RIT2: variants seen among roughly 807,000 people sequenced by gnomAD.
RIT2 encodes Ras like without CAAX 2.
Under a neutral mutation model 23.7 loss-of-function variants are expected in RIT2, and 24 were observed. That is an observed-to-expected ratio of 1.01 (90% CI 0.73 to 1.43). The LOEUF (loss-of-function observed/expected upper bound fraction) is 1.43. RIT2 is among the 40% of genes most tolerant of loss of function. The pLI is 0.00. For missense variants in RIT2, 236 were observed against 266.9 expected (o/e 0.88, Z 0.81); for synonymous variants, 107 against 91.1 (o/e 1.17, Z -0.99).
chr18:42,859,581 T>G (rs1907273634), intron 4 of RIT2, among the ~76,000 whole-genome samples: 1 of 152,172 alleles, frequency 6.6e-6, no homozygotes, highest in African/African-American at 2.4e-5. Flanking sequence ...TAAATCCTAG[T>G]TTTTTTCTTT....
intron 4 of RIT2, among the ~76,000 whole-genome samples, chr18:42,748,237 G>T (rs540021684): frequency 6.6e-6 from 1 of 151,406 alleles, no homozygotes; most frequent in Non-Finnish European, 1.5e-5. Flanking sequence ...AAAGAAATCC[G>T]CAAGAAAAAA....
chr18:42,917,964 C>G (rs1469733053), intron 4 of RIT2, among the ~76,000 whole-genome samples: 1 of 152,114 alleles, frequency 6.6e-6, no homozygotes, highest in Non-Finnish European at 1.5e-5. Flanking sequence ...TCTCCTTTGC[C>G]CTTTTCACTG....
chr18:43,014,378 A>C (rs1911421844), intron 2 of RIT2, among the ~76,000 whole-genome samples: 1 of 151,788 alleles, frequency 6.6e-6, no homozygotes, highest in Non-Finnish European at 1.5e-5. Flanking sequence ...AAAACTTGAC[A>C]GGGCAGCCCA....
At chr18:43,022,585 TATGC>T (rs1250522162) in intron 2 of RIT2, among the ~76,000 whole-genome samples, 1 of 152,034 alleles carries the variant, frequency 6.6e-6, no homozygotes, top group Non-Finnish European at 1.5e-5. Flanking sequence ...GCATAAATAT[TATGC>T]ATCAATAAAA....
At chr18:42,762,510 C>G (rs1192237077) in intron 4 of RIT2, among the ~76,000 whole-genome samples, 3 of 152,192 alleles carry the variant, frequency 2.0e-5, no homozygotes, top group Non-Finnish European at 4.4e-5. Flanking sequence ...CTTGACCACA[C>G]CAGATATTAA....
At chr18:42,974,663 T>A (rs1177640486) in intron 2 of RIT2, among the ~76,000 whole-genome samples, 1 of 152,030 alleles carries the variant, frequency 6.6e-6, no homozygotes, top group Non-Finnish European at 1.5e-5. Context: ...ATCTTATATG[T>A]AGAACCCTAA....
chr18:43,018,713 C>T (rs1273908908), intron 2 of RIT2, among the ~76,000 whole-genome samples: 3 of 151,910 alleles, frequency 2.0e-5, no homozygotes, highest in Non-Finnish European at 2.9e-5. Flanking sequence ...AATGTTATTC[C>T]TCATAAATGA....
chr18:43,113,267 G>T (rs749674811), intron 1 of RIT2, among the ~76,000 whole-genome samples: 1 of 152,110 alleles, frequency 6.6e-6, no homozygotes, highest in Non-Finnish European at 1.5e-5. Flanking sequence ...TTAGTCATAA[G>T]GACAGCATTT....
chr18:42,997,349 G>A (rs1911008467), intron 2 of RIT2, among the ~76,000 whole-genome samples: 1 of 151,650 alleles, frequency 6.6e-6, no homozygotes, highest in African/African-American at 2.4e-5. Flanking sequence ...TGCATTTGGG[G>A]GGGAAGAAAA....
chr18:42,891,982 T>C (rs1908191104), intron 4 of RIT2, among the ~76,000 whole-genome samples: 1 of 152,044 alleles, frequency 6.6e-6, no homozygotes. Flanking sequence ...AGGCTTTGTA[T>C]GTGTGAGGGC....
At chr18:43,008,230 T>C (rs1911269636) in intron 2 of RIT2, among the ~76,000 whole-genome samples, 1 of 151,642 alleles carries the variant, frequency 6.6e-6, no homozygotes, top group Non-Finnish European at 1.5e-5. Context: ...ACAATACATG[T>C]AATTTTACAC....
rs531993163 is a variant in RIT2 at position 42,929,226 on chromosome 18, C to A, written c.235-5463G>T. On this transcript the variant is annotated intron_variant, in intron 3 of 4. Coordinates refer to ENST00000326695, the MANE Select transcript of RIT2 (RefSeq NM_002930.4). ...AATAACATATTAATTTGACACAAAT[C>A]TCCCCTAAGCACTGATTGCTGAAGG... Among the ~76,000 whole-genome samples, 14 of 151,840 alleles carry A rather than the reference C, an allele frequency of 9.2e-5. No homozygotes were observed. The South Asian group carries it at 2.9e-3, about 31-fold the overall frequency.
chr18:42,897,035 A>G (rs1908349082), intron 4 of RIT2, among the ~76,000 whole-genome samples: 1 of 152,174 alleles, frequency 6.6e-6, no homozygotes, highest in Non-Finnish European at 1.5e-5. Flanking sequence ...CTCTATACCT[A>G]TCATAATCCT....
chr18:42,770,014 T>G (rs984866298), intron 4 of RIT2, among the ~76,000 whole-genome samples: 2 of 151,680 alleles, frequency 1.3e-5, no homozygotes, highest in African/African-American at 2.4e-5. Flanking sequence ...GTGGCTGAGA[T>G]TCCTAGTTTT....
intron 3 of RIT2, among the ~76,000 whole-genome samples, chr18:42,932,047 C>T (rs989638185): frequency 6.6e-6 from 1 of 152,128 alleles, no homozygotes; most frequent in East Asian, 1.9e-4. Flanking sequence ...TCAGTAAAAA[C>T]CAAATGATCT....
chr18:42,961,602 C>G (rs755406815), intron 3 of RIT2, among the ~76,000 whole-genome samples: 1 of 152,170 alleles, frequency 6.6e-6, no homozygotes, highest in Non-Finnish European at 1.5e-5. Flanking sequence ...AAGAAAACAG[C>G]TGTGTAGGTG....
chr18:43,055,243 C>T (rs775482120), intron 1 of RIT2, among the ~76,000 whole-genome samples: 3 of 152,108 alleles, frequency 2.0e-5, no homozygotes, highest in Admixed American at 6.6e-5. Flanking sequence ...CATATTCTTA[C>T]GAAGAAAAGC....
At chr18:43,085,722 G>C (rs1913268173) in intron 1 of RIT2, among the ~76,000 whole-genome samples, 1 of 152,096 alleles carries the variant, frequency 6.6e-6, no homozygotes, top group African/African-American at 2.4e-5. Flanking sequence ...ACCTTATCCA[G>C]TGACGTGGTT....
At chr18:42,899,397 C>T (rs1040035209) in intron 4 of RIT2, among the ~76,000 whole-genome samples, 1 of 151,586 alleles carries the variant, frequency 6.6e-6, no homozygotes, top group Middle Eastern at 3.2e-3. Context: ...TTGAGATACC[C>T]TATATGGCAA....
Sources: gnomAD v4.1 joint callset for allele counts (sites outside exome capture counted in the v4.1 genomes callset) on GRCh38, gnomAD v4.1.1 for gene constraint, MANE v1.5 for transcripts, NCBI Gene and HGNC (gene_info 2026-07-23, HGNC 2026-07-21) for gene names.